SH3RF3: variants seen among roughly 807,000 people sequenced by gnomAD.
SH3RF3 encodes E3 ubiquitin-protein ligase SH3RF3.
Under a neutral mutation model 66.3 loss-of-function variants are expected in SH3RF3, and 29 were observed. The observed-to-expected ratio is 0.44, with a 90% CI of 0.33 to 0.60. The LOEUF (loss-of-function observed/expected upper bound fraction) is 0.60. Among genes scored for constraint, SH3RF3 ranks in the 20% least tolerant of loss-of-function variants. SH3RF3 has a pLI of 0.04. For synonymous variants in SH3RF3, 583 were observed against 532.0 expected (o/e 1.10, Z -1.32); for missense variants, 1,194 against 1,190.9 (o/e 1.00, Z -0.04).
chr2:109,136,278 AG>A (rs1676813104), intron 1 of SH3RF3, among the ~76,000 whole-genome samples: 2 of 152,168 alleles, frequency 1.3e-5, no homozygotes, highest in African/African-American at 4.8e-5. Flanking sequence ...TGCTCTTGAT[AG>A]CACCACTTGA....
At chr2:109,251,591 T>C in intron 1 of SH3RF3, 4 of 968,280 alleles carry the variant, frequency 4.1e-6, no homozygotes, top group East Asian at 2.4e-5. Flanking sequence ...CAGAACAATA[T>C]TGGAATGGTG....
At chr2:109,454,239 G>A (rs181667414) in intron 8 of SH3RF3, among the ~76,000 whole-genome samples, 30 of 152,288 alleles carry the variant, frequency 2.0e-4, no homozygotes, top group Admixed American at 1.2e-3. Context: ...TCACATGGTC[G>A]TGGCTGGTAT....
intron 2 of SH3RF3, among the ~76,000 whole-genome samples, chr2:109,366,028 G>C (rs1275508714): frequency 6.6e-6 from 1 of 152,076 alleles, no homozygotes; most frequent in Non-Finnish European, 1.5e-5. Flanking sequence ...ATTCTGTTAT[G>C]AAACTATTAA....
chr2:109,205,601 G>A (rs909970154), intron 1 of SH3RF3, among the ~76,000 whole-genome samples: 2 of 152,160 alleles, frequency 1.3e-5, no homozygotes, highest in African/African-American at 4.8e-5. Flanking sequence ...GGGGTGCAGA[G>A]GGTATATTCA....
At chr2:109,349,532 G>A (rs556976289) in intron 2 of SH3RF3, among the ~76,000 whole-genome samples, 37 of 152,242 alleles carry the variant, frequency 2.4e-4, no homozygotes, top group Admixed American at 8.5e-4. Flanking sequence ...GGGACCACTG[G>A]TGCCCCAGGT....
At chr2:109,149,247 T>C (rs1677175885) in intron 1 of SH3RF3, among the ~76,000 whole-genome samples, 1 of 152,124 alleles carries the variant, frequency 6.6e-6, no homozygotes, top group African/African-American at 2.4e-5. Context: ...AGTCAGACAC[T>C]AAGAATGTTC....
At chr2:109,448,715 A>G (rs1677778023) in intron 7 of SH3RF3, among the ~76,000 whole-genome samples, 1 of 152,212 alleles carries the variant, frequency 6.6e-6, no homozygotes, top group South Asian at 2.1e-4. Flanking sequence ...ACAATGTAGT[A>G]ATAATAGAAA....
At chr2:109,203,677 T>C (rs1475608486) in intron 1 of SH3RF3, among the ~76,000 whole-genome samples, 2 of 152,130 alleles carry the variant, frequency 1.3e-5, no homozygotes, top group African/African-American at 4.8e-5. Context: ...TGTGTCTCTG[T>C]GCACCCTGCA....
intron 1 of SH3RF3, among the ~76,000 whole-genome samples, chr2:109,143,211 G>A (rs780866207): frequency 3.0e-4 from 46 of 152,140 alleles, no homozygotes; most frequent in Non-Finnish European, 4.7e-4. Flanking sequence ...TGTGGCAGTT[G>A]CATGGAATTT....
At chr2:109,484,687 T>G (rs1421559865) in intron 8 of SH3RF3, among the ~76,000 whole-genome samples, 3 of 152,142 alleles carry the variant, frequency 2.0e-5, no homozygotes, top group African/African-American at 7.2e-5. Context: ...AAAAAGAAAC[T>G]CACAAGTGAT....
intron 1 of SH3RF3, among the ~76,000 whole-genome samples, chr2:109,241,419 G>A (rs1679779388): frequency 6.6e-6 from 1 of 152,096 alleles, no homozygotes; most frequent in Non-Finnish European, 1.5e-5. Context: ...TGCATTGGGG[G>A]AAAAAATGGC....
chr2:109,268,279 C>G (rs906431365), intron 1 of SH3RF3, among the ~76,000 whole-genome samples: 1 of 151,934 alleles, frequency 6.6e-6, no homozygotes, highest in Admixed American at 6.6e-5. Flanking sequence ...GCGGCCCCTT[C>G]TCTGGGCTCC....
At chr2:109,362,435 A>G (rs1282167446) in intron 2 of SH3RF3, among the ~76,000 whole-genome samples, 1 of 152,130 alleles carries the variant, frequency 6.6e-6, no homozygotes, top group Non-Finnish European at 1.5e-5. Context: ...TAGACATTGT[A>G]TGATTTTTAT....
chr2:109,206,385 G>C (rs886754792), intron 1 of SH3RF3, among the ~76,000 whole-genome samples: 2 of 151,350 alleles, frequency 1.3e-5, no homozygotes, highest in African/African-American at 4.9e-5. Context: ...CAGCTACTCA[G>C]GAGGCTGAGG....
chr2:109,329,640 G>C (rs1682239178), intron 1 of SH3RF3, among the ~76,000 whole-genome samples: 1 of 152,256 alleles, frequency 6.6e-6, no homozygotes, highest in South Asian at 2.1e-4. Context: ...CACTTTAGCA[G>C]AGAGATTTGC....
At chr2:109,431,528 C>T (rs1360024906) in intron 5 of SH3RF3, among the ~76,000 whole-genome samples, 4 of 152,142 alleles carry the variant, frequency 2.6e-5, no homozygotes, top group Admixed American at 1.3e-4. Flanking sequence ...GAGTTAGAGG[C>T]ACAGCATCTA....
At chr2:109,379,090 C>T (rs1205929890) in intron 3 of SH3RF3, among the ~76,000 whole-genome samples, 4 of 152,220 alleles carry the variant, frequency 2.6e-5, no homozygotes, top group African/African-American at 7.2e-5. Flanking sequence ...TGGGCTCCGC[C>T]GCTCTTGGTG....
intron 3 of SH3RF3, among the ~76,000 whole-genome samples, chr2:109,373,445 A>AT (rs368680518): frequency 4.6e-5 from 7 of 152,262 alleles, no homozygotes; most frequent in African/African-American, 1.7e-4. Context: ...AAAATGCAGT[A>AT]TATCCATACA....
At chr2:109,216,061 A>T (rs138191384) in intron 1 of SH3RF3, among the ~76,000 whole-genome samples, 1,657 of 152,246 alleles carry the variant, frequency 0.011, 14 homozygotes, top group Non-Finnish European at 0.016. Context: ...TAAGACAGCC[A>T]AGCAGTCAGT....
Sources: gnomAD v4.1 joint callset for allele counts (sites outside exome capture counted in the v4.1 genomes callset) on GRCh38, gnomAD v4.1.1 for gene constraint, MANE v1.5 for transcripts, NCBI Gene and HGNC (gene_info 2026-07-23, HGNC 2026-07-21) for gene names.